The following SLC24A3 variants were observed in gnomAD, a reference collection of about 807,000 sequenced individuals.
The protein encoded by SLC24A3 is solute carrier family 24 member 3, also known as sodium/potassium/calcium exchanger 3.
In SLC24A3, 28 loss-of-function variants were observed where a neutral mutation model predicts 75.8. The observed-to-expected ratio is 0.37, with a 90% CI of 0.27 to 0.51. SLC24A3 has a LOEUF of 0.51. Ranked by LOEUF, SLC24A3 falls within the 20% of genes least tolerant of loss-of-function variation. SLC24A3 has a pLI of 0.94. For missense variants in SLC24A3, 663 were observed against 847.8 expected, an observed-to-expected ratio of 0.78 and a Z score of 2.71; for synonymous variants, 372 against 334.1, an observed-to-expected ratio of 1.11 and a Z score of -1.24.
At chr20:19,357,348 C>G (rs1985706243) in intron 2 of SLC24A3, among the ~76,000 whole-genome samples, 1 of 152,126 alleles carries the variant, frequency 6.6e-6, no homozygotes, top group South Asian at 2.1e-4. Flanking sequence ...TTAAGGGACA[C>G]AGTTTGGGGT....
At chr20:19,580,904 C>G (rs1003373244) in intron 4 of SLC24A3, among the ~76,000 whole-genome samples, 9 of 152,246 alleles carry the variant, frequency 5.9e-5, no homozygotes, top group African/African-American at 2.2e-4. Flanking sequence ...TCTCTCTCCC[C>G]TGAGTACCTG....
intron 3 of SLC24A3, among the ~76,000 whole-genome samples, chr20:19,551,711 ACTCTGGCAGAAGG>A (rs1321946460): frequency 1.3e-5 from 2 of 151,840 alleles, no homozygotes; most frequent in Non-Finnish European, 2.9e-5. Context: ...TGACTGAGAC[ACTCTGGCAGAAGG>A]CTCTTCCCTC....
chr20:19,578,605 C>T (rs894167022), intron 3 of SLC24A3, among the ~76,000 whole-genome samples: 3 of 151,832 alleles, frequency 2.0e-5, no homozygotes, highest in South Asian at 2.1e-4. Context: ...CATGTGTGTG[C>T]GCCCTGTGTG....
chr20:19,276,676 G>A (rs866246420), intron 1 of SLC24A3, among the ~76,000 whole-genome samples: 1 of 152,132 alleles, frequency 6.6e-6, no homozygotes. Flanking sequence ...AGGTCGAGGT[G>A]GGAGGATCAC....
chr20:19,314,798 C>T (rs565945116), intron 2 of SLC24A3, among the ~76,000 whole-genome samples: 29 of 152,364 alleles, frequency 1.9e-4, no homozygotes, highest in African/African-American at 6.3e-4. Flanking sequence ...TGTCATAACA[C>T]ACCTTAGTGG....
At position 19,238,515 on chromosome 20, in the gene SLC24A3, G is replaced by A. The variant is rs1027005203; in HGVS notation, c.142+25531G>A. ...CAGGGTCTGAGGGGATGCTATGTTC[G>A]GCTGCAGTAGATCCTAATAAACAGT... On this transcript the variant is annotated intron_variant, in intron 1 of 16. Transcript: ENST00000328041. 7.3e-4 allele frequency among the ~76,000 whole-genome samples: 111 copies of A among 152,242 alleles called. 2 individuals carry two copies. Among genetic ancestry groups the A allele is most frequent in the Non-Finnish European group, 4.4e-5 (3 of 68,020 alleles).
At chr20:19,670,773 A>G (rs1478145684) in intron 8 of SLC24A3, among the ~76,000 whole-genome samples, 1 of 152,218 alleles carries the variant, frequency 6.6e-6, no homozygotes, top group Non-Finnish European at 1.5e-5. Context: ...TGTTCAGGCC[A>G]CTGGAGGCAT....
At chr20:19,483,126 G>T (rs552707994) in intron 2 of SLC24A3, among the ~76,000 whole-genome samples, 3 of 152,156 alleles carry the variant, frequency 2.0e-5, no homozygotes, top group African/African-American at 7.2e-5. Flanking sequence ...GGCTGCTAAG[G>T]CCAGGCACAT....
intron 8 of SLC24A3, among the ~76,000 whole-genome samples, chr20:19,671,253 G>A (rs778439041): frequency 3.3e-5 from 5 of 152,162 alleles, no homozygotes; most frequent in East Asian, 1.9e-4. Flanking sequence ...GGAAAGAGAC[G>A]GCTGTGTGCA....
intron 12 of SLC24A3, among the ~76,000 whole-genome samples, chr20:19,692,820 C>G (rs923797910): frequency 2.0e-5 from 3 of 152,176 alleles, no homozygotes; most frequent in African/African-American, 7.2e-5. Context: ...CGTCCGCTGA[C>G]GCTTTATTAT....
chr20:19,711,403 C>A (rs1431304745), intron 15 of SLC24A3, among the ~76,000 whole-genome samples: 1 of 152,008 alleles, frequency 6.6e-6, no homozygotes, highest in Non-Finnish European at 1.5e-5. Context: ...CACATGCAAA[C>A]ACACAGGCAA....
chr20:19,598,298 A>T (rs1652705724), intron 6 of SLC24A3, among the ~76,000 whole-genome samples: 1 of 152,158 alleles, frequency 6.6e-6, no homozygotes, highest in Non-Finnish European at 1.5e-5. Flanking sequence ...CCTGAGCCTG[A>T]ATCTCCAAGT....
chr20:19,571,799 C>A (rs1231747503), intron 3 of SLC24A3, among the ~76,000 whole-genome samples: 1 of 152,200 alleles, frequency 6.6e-6, no homozygotes, highest in Non-Finnish European at 1.5e-5. Flanking sequence ...GGGTGGGACT[C>A]AGGAGAGGCT....
intron 15 of SLC24A3, among the ~76,000 whole-genome samples, chr20:19,711,276 CAT>C (rs147652823): frequency 0.061 from 8,644 of 142,602 alleles, 295 homozygotes; most frequent in Middle Eastern, 0.12. Flanking sequence ...CACATGCAAA[CAT>C]ATGCATGCAA....
At chr20:19,213,007 G>A in intron 1 of SLC24A3, 23 bp downstream of exon 1, 2 of 1,247,318 alleles carry the variant, frequency 1.6e-6, no homozygotes, top group Non-Finnish European at 2.0e-6. Context: ...TGCCTGCCCC[G>A]AGTGGGCGCT....
intron 3 of SLC24A3, among the ~76,000 whole-genome samples, chr20:19,573,970 C>T (rs576986311): frequency 4.6e-5 from 7 of 152,360 alleles, no homozygotes; most frequent in Non-Finnish European, 8.8e-5. Context: ...GAACCTCTTA[C>T]GTTGGGTACT....
intron 3 of SLC24A3, among the ~76,000 whole-genome samples, chr20:19,517,131 G>A (rs982776421): frequency 1.2e-4 from 18 of 152,224 alleles, no homozygotes; most frequent in African/African-American, 4.1e-4. Flanking sequence ...TTTCAGGGAA[G>A]TTGTGTGCAC....
chr20:19,383,763 T>C (rs1986224245), intron 2 of SLC24A3, among the ~76,000 whole-genome samples: 1 of 152,200 alleles, frequency 6.6e-6, no homozygotes, highest in Non-Finnish European at 1.5e-5. Context: ...CCCATGAGGC[T>C]TGCAGACAGG....
At chr20:19,649,398 T>C (rs2032174540) in intron 6 of SLC24A3, among the ~76,000 whole-genome samples, 2 of 152,232 alleles carry the variant, frequency 1.3e-5, no homozygotes, top group African/African-American at 4.8e-5. Flanking sequence ...ACTGGCCAAA[T>C]GGACAGGTAG....
Sources: gnomAD v4.1 joint callset for allele counts (sites outside exome capture counted in the v4.1 genomes callset) on GRCh38, gnomAD v4.1.1 for gene constraint, MANE v1.5 for transcripts, NCBI Gene and HGNC (gene_info 2026-07-23, HGNC 2026-07-21) for gene names.